Variants in PHLDB2 observed in about 807,000 individuals in gnomAD.
PHLDB2 encodes pleckstrin homology-like domain family B member 2.
A neutral mutation model predicts 123.6 loss-of-function variants in PHLDB2; 71 were observed. The observed-to-expected ratio is 0.57, with a 90% CI of 0.47 to 0.70. PHLDB2 has a LOEUF of 0.70. Ranked by LOEUF, PHLDB2 falls within the 30% of genes least tolerant of loss-of-function variation. The probability of loss-of-function intolerance (pLI) is 0.00; values close to 1 mark genes in which losing one functional copy is unlikely to be tolerated. For synonymous variants in PHLDB2, 547 were observed against 541.6 expected, an observed-to-expected ratio of 1.01 and a Z score of -0.14; for missense variants, 1,446 against 1,519.5, an observed-to-expected ratio of 0.95 and a Z score of 0.80.
intron 5 of PHLDB2, among the ~76,000 whole-genome samples, chr3:111,931,288 A>G (rs879489820): frequency 3.3e-5 from 5 of 152,212 alleles, no homozygotes; most frequent in Non-Finnish European, 2.9e-5. Flanking sequence ...ATTTGTTTCA[A>G]TTGTTCAGAG....
At chr3:111,836,620 C>A (rs76290852) in intron 1 of PHLDB2, among the ~76,000 whole-genome samples, 368 of 152,176 alleles carry the variant, frequency 2.4e-3, no homozygotes, top group African/African-American at 8.5e-3. Flanking sequence ...TATAAAGAAC[C>A]ACCGGAGTCT....
intron 2 of PHLDB2, among the ~76,000 whole-genome samples, chr3:111,902,861 A>G (rs958826665): frequency 4.0e-5 from 6 of 151,702 alleles, no homozygotes; most frequent in African/African-American, 1.5e-4. Context: ...CTAGTCTCTA[A>G]CTCCTGGCCT....
At chr3:111,749,102 T>TAAA (rs34512449) in intron 1 of PHLDB2, among the ~76,000 whole-genome samples, 2 of 143,498 alleles carry the variant, frequency 1.4e-5, no homozygotes, top group African/African-American at 5.1e-5. Flanking sequence ...AAGAGAAGGC[T>TAAA]AAAAAAAAAA....
At chr3:111,862,748 A>G (rs1168277929) in intron 1 of PHLDB2, among the ~76,000 whole-genome samples, 1 of 152,128 alleles carries the variant, frequency 6.6e-6, no homozygotes, top group African/African-American at 2.4e-5. Context: ...GTCTTAATAT[A>G]CCATAGAGGT....
chr3:111,840,308 A>G (rs1359293956), intron 1 of PHLDB2, among the ~76,000 whole-genome samples: 1 of 152,058 alleles, frequency 6.6e-6, no homozygotes, highest in Non-Finnish European at 1.5e-5. Context: ...CTTTTCCCCA[A>G]CTGAGGATAA....
chr3:111,947,790 A>T (rs2070414796), intron 9 of PHLDB2, among the ~76,000 whole-genome samples: 1 of 152,200 alleles, frequency 6.6e-6, no homozygotes, highest in African/African-American at 2.4e-5. Context: ...TGACACATCC[A>T]ATTTATAAAC....
chr3:111,734,960 G>C (rs1941637458), intron 1 of PHLDB2, among the ~76,000 whole-genome samples: 1 of 152,312 alleles, frequency 6.6e-6, no homozygotes, highest in Middle Eastern at 3.4e-3. Context: ...AAGAGCAAAA[G>C]CAAGTGTTTT....
At chr3:111,737,225 T>A (rs1418897043) in intron 1 of PHLDB2, among the ~76,000 whole-genome samples, 2 of 152,166 alleles carry the variant, frequency 1.3e-5, no homozygotes, top group Non-Finnish European at 2.9e-5. Context: ...AGATCCAGTG[T>A]TTTCTTATCC....
At chr3:111,863,155 G>A (rs2064917949) in intron 1 of PHLDB2, among the ~76,000 whole-genome samples, 1 of 152,104 alleles carries the variant, frequency 6.6e-6, no homozygotes, top group African/African-American at 2.4e-5. Flanking sequence ...CCCAGAAAGG[G>A]GTAATTCCAT....
intron 5 of PHLDB2, among the ~76,000 whole-genome samples, chr3:111,922,696 A>G (rs183823121): frequency 8.9e-4 from 135 of 152,370 alleles, no homozygotes; most frequent in East Asian, 5.8e-4. Context: ...TAGAGACTCA[A>G]CACAGCTTGG....
At chr3:111,740,900 A>T (rs1348537693) in intron 1 of PHLDB2, among the ~76,000 whole-genome samples, 1 of 101,584 alleles carries the variant, frequency 9.8e-6, no homozygotes. Context: ...CCATCAAGTT[A>T]AAAAAAAAAA....
At chr3:111,742,467 C>G (rs775710317) in intron 1 of PHLDB2, among the ~76,000 whole-genome samples, 9 of 152,234 alleles carry the variant, frequency 5.9e-5, no homozygotes, top group East Asian at 1.9e-4. Flanking sequence ...CTCCTCCCCC[C>G]ACCCCACAAC....
intron 1 of PHLDB2, among the ~76,000 whole-genome samples, chr3:111,744,134 G>T (rs907913853): frequency 6.6e-6 from 1 of 152,108 alleles, no homozygotes; most frequent in Non-Finnish European, 1.5e-5. Context: ...AAAAAGTTGG[G>T]CAGAAAATGA....
chr3:111,943,435 A>G (rs990103446), intron 8 of PHLDB2, among the ~76,000 whole-genome samples: 2 of 152,172 alleles, frequency 1.3e-5, no homozygotes, highest in Non-Finnish European at 2.9e-5. Context: ...AGAACAAAAT[A>G]TAAGAGTGAA....
rs377576303 is a variant in PHLDB2 at position 111,935,201 on chromosome 3, G to A, written c.2130+2804G>A. On this transcript the variant is annotated intron_variant, in intron 6 of 17. Coordinates refer to ENST00000431670, the MANE Select transcript of PHLDB2 (RefSeq NM_001134438.2). Reference sequence around the variant, plus strand: ...TGCAAGCTCCACCTCCCAGGTTCACGCCATTCTCCTGCTTCAGCCTCCTGA... The same window carrying A: ...TGCAAGCTCCACCTCCCAGGTTCACACCATTCTCCTGCTTCAGCCTCCTGA... 3.2e-3 allele frequency among the ~76,000 whole-genome samples: 468 copies of A among 144,656 alleles called. 3 individuals carry two copies. Among genetic ancestry groups the A allele is most frequent in the South Asian group, 7.7e-3 (34 of 4,432 alleles). The allele number at this position is 144,656 out of a possible 152,430, so 94.9% of individuals were successfully genotyped here. A position where few individuals can be genotyped will look rare whatever the true frequency, so the allele number is the denominator to read the frequency against.
chr3:111,844,562 T>A (rs2063855385), intron 1 of PHLDB2, among the ~76,000 whole-genome samples: 2 of 152,300 alleles, frequency 1.3e-5, no homozygotes, highest in Admixed American at 1.3e-4. Context: ...CACAAATGCC[T>A]TTAGTTTAGT....
intron 1 of PHLDB2, among the ~76,000 whole-genome samples, chr3:111,816,352 G>T (rs1244269898): frequency 3.9e-5 from 6 of 152,212 alleles, no homozygotes; most frequent in Non-Finnish European, 8.8e-5. Context: ...GCCCGTAAAG[G>T]GAGCTGGGAG....
At chr3:111,816,194 T>TG (rs34685445) in intron 1 of PHLDB2, among the ~76,000 whole-genome samples, 1 of 152,190 alleles carries the variant, frequency 6.6e-6, no homozygotes, top group African/African-American at 2.4e-5. Context: ...AAGGGAAATT[T>TG]GGGGTCAGAG....
chr3:111,782,512 G>T (rs886422618), intron 1 of PHLDB2, among the ~76,000 whole-genome samples: 1 of 152,030 alleles, frequency 6.6e-6, no homozygotes, highest in Non-Finnish European at 1.5e-5. Context: ...TATTCCCTCG[G>T]TCCAGAATGC....
Sources: allele counts gnomAD v4.1 joint callset (sites outside exome capture counted in the v4.1 genomes callset), GRCh38; gene constraint gnomAD v4.1.1; transcripts MANE v1.5; gene names NCBI Gene and HGNC (gene_info 2026-07-23, HGNC 2026-07-21).